SLC30A8: variants seen among roughly 807,000 people sequenced by gnomAD.
SLC30A8 encodes proton-coupled zinc antiporter SLC30A8.
A neutral mutation model predicts 36.9 loss-of-function variants in SLC30A8; 27 were observed. That is an observed-to-expected ratio of 0.73 (90% confidence interval 0.54 to 1.01). The LOEUF (loss-of-function observed/expected upper bound fraction) is 1.01, where lower values mean the gene tolerates loss of function less well. Among genes scored for constraint, SLC30A8 ranks in the 50% least tolerant of loss-of-function variants. The probability of loss-of-function intolerance (pLI) is 0.00; values close to 1 mark genes in which losing one functional copy is unlikely to be tolerated. For synonymous variants in SLC30A8, 164 were observed against 172.4 expected (o/e 0.95, Z 0.38); for missense variants, 439 against 452.0 (o/e 0.97, Z 0.26).
At chr8:117,012,722 T>TACAC (rs1491474446) in intron 1 of SLC30A8, among the ~76,000 whole-genome samples, 16 of 42,494 alleles carry the variant, frequency 3.8e-4, no homozygotes, top group Middle Eastern at 0.016. Flanking sequence ...TAGACATATG[T>TACAC]ATACACACAC....
At chr8:117,060,127 A>G (rs1213734725) in intron 2 of SLC30A8, among the ~76,000 whole-genome samples, 1 of 152,180 alleles carries the variant, frequency 6.6e-6, no homozygotes, top group African/African-American at 2.4e-5. Flanking sequence ...TCAGCAGGAC[A>G]TGCAGGCTGA....
chr8:116,983,965 C>G (rs1373207012), intron 1 of SLC30A8, among the ~76,000 whole-genome samples: 3 of 152,140 alleles, frequency 2.0e-5, no homozygotes, highest in Non-Finnish European at 4.4e-5. Flanking sequence ...GGCTCCTGTA[C>G]TGATCCTTTA....
At chr8:117,113,612 T>A (rs553392642) in intron 2 of SLC30A8, among the ~76,000 whole-genome samples, 1 of 152,184 alleles carries the variant, frequency 6.6e-6, no homozygotes, top group Admixed American at 6.6e-5. Context: ...TAGGGCATTC[T>A]TATCTCTACC....
intron 1 of SLC30A8, among the ~76,000 whole-genome samples, chr8:117,139,719 A>G (rs575593636): frequency 3.9e-5 from 6 of 152,216 alleles, no homozygotes; most frequent in Admixed American, 1.3e-4. Context: ...GGAAAGAAAC[A>G]GTCAAAGTGA....
chr8:117,103,132 C>A (rs1385575753), intron 2 of SLC30A8, among the ~76,000 whole-genome samples: 1 of 152,006 alleles, frequency 6.6e-6, no homozygotes, highest in Non-Finnish European at 1.5e-5. Flanking sequence ...TAGGGTCCAT[C>A]CCGAAGTAAA....
intron 6 of SLC30A8, among the ~76,000 whole-genome samples, chr8:117,166,602 TG>T (rs1260329370): frequency 6.6e-6 from 1 of 152,102 alleles, no homozygotes; most frequent in Admixed American, 6.6e-5. Context: ...CTGGTGCTGC[TG>T]GTCCCAGGAC....
chr8:116,978,494 G>T (rs1417693931), intron 1 of SLC30A8, among the ~76,000 whole-genome samples: 2 of 147,344 alleles, frequency 1.4e-5, no homozygotes, highest in Non-Finnish European at 3.0e-5. Flanking sequence ...TAATCTAAAT[G>T]AGGTGATTAG....
At chr8:117,159,566 C>T (rs760855658) in intron 4 of SLC30A8, among the ~76,000 whole-genome samples, 13 of 152,162 alleles carry the variant, frequency 8.5e-5, no homozygotes, top group Non-Finnish European at 1.9e-4. Context: ...CTGACTAGAT[C>T]CCCATCTTTA....
At chr8:117,099,370 G>C (rs1165617247) in intron 2 of SLC30A8, among the ~76,000 whole-genome samples, 1 of 152,166 alleles carries the variant, frequency 6.6e-6, no homozygotes, top group Non-Finnish European at 1.5e-5. Context: ...ATGAGGCTGT[G>C]AGTAGTTAGC....
chr8:117,077,524 A>C (rs1349086743), intron 2 of SLC30A8, among the ~76,000 whole-genome samples: 1 of 152,228 alleles, frequency 6.6e-6, no homozygotes, highest in Non-Finnish European at 1.5e-5. Flanking sequence ...TAAGAGAAAA[A>C]CCAATATGAA....
Position 117,176,298 on chromosome 8 carries a change from T to G in SLC30A8, c.*3617T>G, listed in dbSNP as rs2129823531. Reference sequence around the variant, plus strand: ...GCTCTCCAGCTCCATCCCCACCCAATGAAATATGATCCAGAGAGTCTTGCA... The same window carrying G: ...GCTCTCCAGCTCCATCCCCACCCAAGGAAATATGATCCAGAGAGTCTTGCA... On this transcript the variant is annotated 3_prime_UTR_variant, in exon 8 of 8. Transcript: ENST00000456015. 1 of 152,552 alleles carries G rather than the reference T, an allele frequency of 6.6e-6. No individual in the cohort carries two copies. 9.4% of individuals were successfully genotyped at this position (152,552 alleles called of 1,614,324 possible).
chr8:117,023,317 T>A (rs1348599447), intron 1 of SLC30A8, among the ~76,000 whole-genome samples: 1 of 152,106 alleles, frequency 6.6e-6, no homozygotes, highest in Non-Finnish European at 1.5e-5. Flanking sequence ...GTGTGGCGAT[T>A]CCTCAGGGAT....
chr8:116,952,733 A>T (rs986420891), intron 1 of SLC30A8, among the ~76,000 whole-genome samples: 41 of 152,320 alleles, frequency 2.7e-4, no homozygotes, highest in African/African-American at 9.4e-4. Flanking sequence ...CTAGGATGAC[A>T]GGCATGAGCC....
Position 117,173,656 on chromosome 8 carries a change from A to G in SLC30A8, c.*975A>G, listed in dbSNP as rs1236574611. 6.6e-6 allele frequency: 1 copy of G among 152,150 alleles called. No homozygotes were observed. The highest frequency in any genetic ancestry group is 6.6e-5 in the Admixed American group (1 of 15,262). 9.4% of individuals were successfully genotyped at this position (152,150 alleles called of 1,614,324 possible). Reference sequence around the variant, plus strand: ...CAACTCAACACTATCTGTGGAGAGTAAACTGAAGATGTGCAGGCCAACATT... The same window carrying G: ...CAACTCAACACTATCTGTGGAGAGTGAACTGAAGATGTGCAGGCCAACATT... On this transcript the variant is annotated 3_prime_UTR_variant, in exon 8 of 8. Transcript: ENST00000456015.
chr8:116,965,698 C>A (rs73701636), intron 1 of SLC30A8, among the ~76,000 whole-genome samples: 2,263 of 152,134 alleles, frequency 0.015, 65 homozygotes, highest in African/African-American at 0.052. Flanking sequence ...CCCTCCTGAC[C>A]CCTAGAAGTG....
Position 116,973,070 on chromosome 8 carries a change from A to G in SLC30A8, c.-266+21951A>G, listed in dbSNP as rs923930066. On this transcript the variant is annotated intron_variant, in intron 1 of 10. Coordinates refer to the SLC30A8 transcript ENST00000427715. ...TTCGTTCTCTTATAAAAGAGGTCCCAGAGAGCTGCCTTGTCTCTTTCTAAC... is the reference window on the plus strand; with the variant it reads ...TTCGTTCTCTTATAAAAGAGGTCCCGGAGAGCTGCCTTGTCTCTTTCTAAC... Among the ~76,000 whole-genome samples, 4 of 152,342 alleles carry G rather than the reference A, an allele frequency of 2.6e-5. No homozygotes were observed. The South Asian group carries it at 8.3e-4, about 32-fold the overall frequency.
At chr8:116,959,037 G>A (rs1183483268) in intron 1 of SLC30A8, among the ~76,000 whole-genome samples, 1 of 151,572 alleles carries the variant, frequency 6.6e-6, no homozygotes, top group South Asian at 2.1e-4. Flanking sequence ...TTTTAGTAGA[G>A]ACTGGGTTTC....
At chr8:116,999,432 G>C (rs1815933106) in intron 1 of SLC30A8, among the ~76,000 whole-genome samples, 2 of 152,138 alleles carry the variant, frequency 1.3e-5, no homozygotes, top group South Asian at 2.1e-4. Flanking sequence ...CAGCAAGAGA[G>C]GGAGAGACAA....
intron 1 of SLC30A8, among the ~76,000 whole-genome samples, chr8:116,984,258 G>A (rs1815368341): frequency 6.6e-6 from 1 of 152,100 alleles, no homozygotes; most frequent in African/African-American, 2.4e-5. Context: ...TATTAATAAA[G>A]CTTCTATGAA....
Sources: gnomAD v4.1 joint callset for allele counts (sites outside exome capture counted in the v4.1 genomes callset) on GRCh38, gnomAD v4.1.1 for gene constraint, MANE v1.5 for transcripts, NCBI Gene and HGNC (gene_info 2026-07-23, HGNC 2026-07-21) for gene names.